The following DOCK2 variants were observed in gnomAD, a reference collection of about 807,000 sequenced individuals.
DOCK2 encodes the protein dedicator of cytokinesis 2, also known as dedicator of cytokinesis protein 2.
A neutral mutation model predicts 248.9 loss-of-function variants in DOCK2; 87 were observed. The observed-to-expected ratio is 0.35, with a 90% CI of 0.29 to 0.42. The LOEUF (loss-of-function observed/expected upper bound fraction) is 0.42. Ranked by LOEUF, DOCK2 falls within the 10% of genes least tolerant of loss-of-function variation. The probability of loss-of-function intolerance (pLI) is 1.00; values close to 1 mark genes in which losing one functional copy is unlikely to be tolerated. For missense variants in DOCK2, 1,747 were observed against 2,300.2 expected, an observed-to-expected ratio of 0.76 and a Z score of 4.92; for synonymous variants, 805 against 821.6, an observed-to-expected ratio of 0.98 and a Z score of 0.35.
chr5:169,910,212 G>C (rs765472952), intron 27 of DOCK2, among the ~76,000 whole-genome samples: 2 of 152,124 alleles, frequency 1.3e-5, no homozygotes, highest in Non-Finnish European at 2.9e-5. Context: ...GCAAAGAAGA[G>C]GACAGTCATC....
At chr5:169,659,665 A>C (rs576884571) in intron 2 of DOCK2, among the ~76,000 whole-genome samples, 6 of 152,344 alleles carry the variant, frequency 3.9e-5, no homozygotes, top group Non-Finnish European at 8.8e-5. Flanking sequence ...GATGGTACTC[A>C]TGCTAGGCCA....
intron 17 of DOCK2, 60 bp from the exon 18 acceptor site, chr5:169,713,968 C>A: frequency 1.3e-6 from 2 of 1,505,114 alleles, no homozygotes; most frequent in Middle Eastern, 2.1e-4. Context: ...CTGCTGCAGG[C>A]TCTGTGTGGC....
chr5:169,963,593 C>T (rs77082129), intron 27 of DOCK2, among the ~76,000 whole-genome samples: 3,432 of 152,250 alleles, frequency 0.023, 58 homozygotes, highest in Non-Finnish European at 0.034. Flanking sequence ...CTTACACAGC[C>T]GTTCCCCTCC....
chr5:169,643,632 C>T (rs893281827), intron 1 of DOCK2, among the ~76,000 whole-genome samples: 13 of 152,152 alleles, frequency 8.5e-5, no homozygotes, highest in Admixed American at 7.2e-4. Context: ...TCCTGCTCTG[C>T]AGCCCGGTTC....
In DOCK2 at chr5:169,733,602, A is replaced by T. The variant is rs1177409869; in HGVS notation, c.2268-13794A>T. On this transcript the variant is annotated intron_variant, in intron 22 of 51. Coordinates refer to ENST00000520908, the MANE Select transcript of DOCK2 (RefSeq NM_004946.3). ...TTCATATTTGCTTACTTTCTTTCTG[A>T]AGTTAATCTTGTAGACTTAACTTTA... Among the ~76,000 whole-genome samples, 9 of 152,048 alleles carry T rather than the reference A, an allele frequency of 5.9e-5. No individual in the cohort carries two copies. In the East Asian group the frequency reaches 1.3e-3, roughly 23 times the overall value.
chr5:169,931,459 A>G (rs1775749832), intron 27 of DOCK2, among the ~76,000 whole-genome samples: 1 of 152,196 alleles, frequency 6.6e-6, no homozygotes, highest in African/African-American at 2.4e-5. Context: ...CCACCTATCC[A>G]AGTGCACTAA....
chr5:169,682,335 T>A (rs981515268), intron 7 of DOCK2, among the ~76,000 whole-genome samples: 4 of 152,236 alleles, frequency 2.6e-5, no homozygotes. Flanking sequence ...CCTGGGATGA[T>A]CTGGGACAGG....
chr5:170,080,217 A>G lies in DOCK2; in HGVS notation c.5221A>G (p.Ile1741Val), dbSNP rs776143581. ...SDTNLSEHAAIPLKASVLSQM... is the reference protein window; with the variant it reads ...SDTNLSEHAAVPLKASVLSQM... ...CACCAACCTCTCGGAGCATGCGGCC[A>G]TCCCCCTCAAGGCGTCTGTCCTCTC... is the stretch of plus-strand genomic sequence containing the variant. The change falls in exon 50 of 52, where the codon ATC becomes GTC. Residue 1741 changes from isoleucine to valine, a missense_variant. Coordinates refer to ENST00000520908, the MANE Select transcript of DOCK2 (RefSeq NM_004946.3). 3 of 1,614,060 alleles carry G rather than the reference A, an allele frequency of 1.9e-6. No homozygotes were observed. The highest frequency in any genetic ancestry group is 4.5e-5 in the East Asian group (2 of 44,868).
At chr5:169,916,340 T>C (rs1774874895) in intron 27 of DOCK2, among the ~76,000 whole-genome samples, 1 of 152,238 alleles carries the variant, frequency 6.6e-6, no homozygotes, top group African/African-American at 2.4e-5. Context: ...CCAGCCACTT[T>C]GACAGGTGGC....
At chr5:169,956,600 T>C (rs1045443029) in intron 27 of DOCK2, among the ~76,000 whole-genome samples, 1 of 152,228 alleles carries the variant, frequency 6.6e-6, no homozygotes, top group Non-Finnish European at 1.5e-5. Context: ...ATATTTTGCA[T>C]TCCTGAAAAG....
At chr5:169,640,623 G>C (rs1455197422) in intron 1 of DOCK2, among the ~76,000 whole-genome samples, 1 of 152,204 alleles carries the variant, frequency 6.6e-6, no homozygotes, top group Non-Finnish European at 1.5e-5. Flanking sequence ...GCCTCCAAGG[G>C]CAGCAAACTG....
intron 1 of DOCK2, among the ~76,000 whole-genome samples, chr5:169,647,677 C>T (rs1757545018): frequency 6.6e-6 from 1 of 152,120 alleles, no homozygotes; most frequent in African/African-American, 2.4e-5. Context: ...CCCCTCTCTT[C>T]CCTGCTGTCA....
intron 33 of DOCK2, among the ~76,000 whole-genome samples, chr5:170,021,386 T>A (rs1755721981): frequency 6.6e-6 from 1 of 152,024 alleles, no homozygotes. Context: ...CTTAGAAGAG[T>A]TCCTGGGAAC....
At chr5:169,855,525 T>C (rs375063257) in intron 27 of DOCK2, among the ~76,000 whole-genome samples, 78 of 152,152 alleles carry the variant, frequency 5.1e-4, no homozygotes, top group African/African-American at 1.8e-3. Context: ...TCTAGGATGG[T>C]AGTGGGATGC....
intron 26 of DOCK2, among the ~76,000 whole-genome samples, chr5:169,829,797 T>C (rs531679604): frequency 6.6e-6 from 1 of 152,326 alleles, no homozygotes; most frequent in Non-Finnish European, 1.5e-5. Flanking sequence ...CTTTGACACA[T>C]GATATGAAAT....
chr5:169,726,196 A>G (rs1316444611), intron 22 of DOCK2, among the ~76,000 whole-genome samples: 1 of 152,106 alleles, frequency 6.6e-6, no homozygotes, highest in Non-Finnish European at 1.5e-5. Context: ...AATGATCGCC[A>G]TTCTAACTGG....
chr5:169,754,256 T>C (rs1366301587), intron 23 of DOCK2, among the ~76,000 whole-genome samples: 1 of 152,238 alleles, frequency 6.6e-6, no homozygotes, highest in Non-Finnish European at 1.5e-5. Flanking sequence ...TGCCGTTTTC[T>C]AATTCTGGTG....
chr5:169,790,050 G>C (rs1351299262), intron 25 of DOCK2, among the ~76,000 whole-genome samples: 2 of 152,172 alleles, frequency 1.3e-5, no homozygotes, highest in Admixed American at 1.3e-4. Flanking sequence ...GAGCTGATAT[G>C]GGGAAGGTAA....
chr5:169,812,390 C>A (rs1159035030), intron 26 of DOCK2, among the ~76,000 whole-genome samples: 2 of 152,168 alleles, frequency 1.3e-5, no homozygotes, highest in Non-Finnish European at 2.9e-5. Flanking sequence ...TCAGGGCTCC[C>A]ACTGATTCCA....
Sources: gnomAD v4.1 joint callset for allele counts (sites outside exome capture counted in the v4.1 genomes callset) on GRCh38, gnomAD v4.1.1 for gene constraint, MANE v1.5 for transcripts, NCBI Gene and HGNC (gene_info 2026-07-23, HGNC 2026-07-21) for gene names.